CDH13: variants seen among roughly 807,000 people sequenced by gnomAD.
CDH13 encodes the protein cadherin-13.
Under a neutral mutation model 63.8 loss-of-function variants are expected in CDH13, and 24 were observed. The ratio of observed to expected loss-of-function variants is 0.38; its 90% confidence interval spans 0.27 to 0.53. The LOEUF (loss-of-function observed/expected upper bound fraction) is 0.53. CDH13 is among the 20% of genes least tolerant of loss of function. The pLI is 0.85. For missense variants in CDH13, 1,049 were observed against 903.1 expected, an observed-to-expected ratio of 1.16 and a Z score of -2.07; for synonymous variants, 503 against 355.3, an observed-to-expected ratio of 1.42 and a Z score of -4.67.
intron 1 of CDH13, among the ~76,000 whole-genome samples, chr16:82,686,669 C>T (rs146238390): frequency 2.0e-5 from 3 of 152,184 alleles, no homozygotes; most frequent in Admixed American, 1.3e-4. Flanking sequence ...CCGGAGATAA[C>T]GTGCATGAAA....
chr16:83,572,694 G>T (rs1904754389), intron 7 of CDH13, among the ~76,000 whole-genome samples: 1 of 152,152 alleles, frequency 6.6e-6, no homozygotes, highest in Admixed American at 6.5e-5. Flanking sequence ...AAAAGCTATT[G>T]AACATGTATA....
At chr16:82,676,887 T>TTTTG (rs1913981387) in intron 1 of CDH13, among the ~76,000 whole-genome samples, 1 of 150,308 alleles carries the variant, frequency 6.7e-6, no homozygotes, top group Non-Finnish European at 1.5e-5. Context: ...TTTTGTTTTG[T>TTTTG]TTTGTTTTGT....
chr16:83,524,954 A>T (rs996806844), intron 7 of CDH13, among the ~76,000 whole-genome samples: 1 of 152,230 alleles, frequency 6.6e-6, no homozygotes, highest in Non-Finnish European at 1.5e-5. Context: ...CAGTAGACCA[A>T]TGATTTTCTC....
At chr16:83,125,688 A>T (rs2035776999) in intron 4 of CDH13, among the ~76,000 whole-genome samples, 187 bp downstream of exon 4, 1 of 152,238 alleles carries the variant, frequency 6.6e-6, no homozygotes, top group Admixed American at 6.5e-5. Flanking sequence ...AAATTGGAAA[A>T]AACCAATAGC....
chr16:82,839,780 C>G (rs769011327), intron 1 of CDH13, among the ~76,000 whole-genome samples: 1 of 152,204 alleles, frequency 6.6e-6, no homozygotes, highest in South Asian at 2.1e-4. Flanking sequence ...AGAGGCTCTT[C>G]ACATTATCAT....
intron 8 of CDH13, among the ~76,000 whole-genome samples, chr16:83,658,030 CCA>C (rs1403956762): frequency 6.3e-5 from 6 of 94,854 alleles, no homozygotes; most frequent in Non-Finnish European, 1.4e-4. Context: ...CCACCAGGTC[CCA>C]TGTCCTCACC....
intron 4 of CDH13, among the ~76,000 whole-genome samples, chr16:83,143,923 G>A (rs966646524): frequency 1.3e-5 from 2 of 152,020 alleles, no homozygotes; most frequent in African/African-American, 4.8e-5. Context: ...CAGTCCTGTG[G>A]TCTAGAATCA....
In CDH13 at chr16:83,457,442, C is replaced by T. The variant is rs117970091; in HGVS notation, c.782-29035C>T. ...ATCACTCATTACATAGCCCCAGACA[C>T]GTCACTTACCTCCCTTACCCCCTCT... is the stretch of plus-strand genomic sequence containing the variant. On this transcript the variant is annotated intron_variant, in intron 6 of 13. Transcript: ENST00000567109. Among the ~76,000 whole-genome samples the T allele has an allele frequency of 2.8e-3, 421 of 152,260 alleles. 3 individuals carry two copies. The highest frequency in any genetic ancestry group is 0.01 in the South Asian group (49 of 4,830).
chr16:82,630,751 A>G lies in CDH13; in HGVS notation c.45+3614A>G, dbSNP rs1410058518. Among the ~76,000 whole-genome samples, 5 of 152,358 alleles carry G rather than the reference A, an allele frequency of 3.3e-5. No individual in the cohort carries two copies. The South Asian group carries it at 6.2e-4, about 19-fold the overall frequency. On this transcript the variant is annotated intron_variant, in intron 1 of 13. Transcript: ENST00000567109. ...AGTTAATTTATATTTAGTGGAATGT[A>G]GGAAAAGGACAAACTATGGATTTAA...
intron 10 of CDH13, among the ~76,000 whole-genome samples, chr16:83,694,146 G>C (rs1324419981): frequency 6.6e-6 from 1 of 152,216 alleles, no homozygotes; most frequent in East Asian, 1.9e-4. Flanking sequence ...TGGAAAAAAT[G>C]AGTAGCCGCC....
chr16:82,680,675 G>T (rs571209369), intron 1 of CDH13, among the ~76,000 whole-genome samples: 66 of 152,268 alleles, frequency 4.3e-4, no homozygotes, highest in Non-Finnish European at 9.6e-4. Flanking sequence ...TAATATGAAT[G>T]ACATTTAATA....
chr16:83,252,003 C>T (rs537595611), intron 5 of CDH13, among the ~76,000 whole-genome samples: 8 of 151,520 alleles, frequency 5.3e-5, no homozygotes, highest in South Asian at 4.2e-4. Context: ...GACTGATCCC[C>T]GGGATGCATT....
At chr16:83,526,654 T>A (rs1307693887) in intron 7 of CDH13, among the ~76,000 whole-genome samples, 1 of 152,208 alleles carries the variant, frequency 6.6e-6, no homozygotes, top group Non-Finnish European at 1.5e-5. Context: ...GCCCGGGGGC[T>A]GGCGGCTCCT....
chr16:83,100,711 G>A lies in CDH13; in HGVS notation c.367-24674G>A, dbSNP rs868768984. Among the ~76,000 whole-genome samples the A allele has an allele frequency of 2.2e-4, 33 of 152,290 alleles. 1 individual carries two copies. The Middle Eastern group carries it at 0.014, about 63-fold the overall frequency. On this transcript the variant is annotated intron_variant, in intron 3 of 13. Coordinates refer to ENST00000567109, the MANE Select transcript of CDH13 (RefSeq NM_001257.5). ...CCACTGGCATAAGAATTTTGGGTTA[G>A]CTCAAGCCAGGTAGGATAGACTTGA...
intron 3 of CDH13, among the ~76,000 whole-genome samples, chr16:83,116,683 A>T (rs532865530): frequency 4.6e-5 from 7 of 152,066 alleles, no homozygotes; most frequent in African/African-American, 1.7e-4. Flanking sequence ...AGATGTTCTA[A>T]AATTATATGT....
At chr16:83,459,485 C>T (rs951194503) in intron 6 of CDH13, among the ~76,000 whole-genome samples, 1 of 152,136 alleles carries the variant, frequency 6.6e-6, no homozygotes, top group Non-Finnish European at 1.5e-5. Flanking sequence ...ATTAATTTTG[C>T]CTTTGGCTTA....
chr16:83,707,320 T>C (rs552084514), intron 10 of CDH13, among the ~76,000 whole-genome samples: 14 of 152,286 alleles, frequency 9.2e-5, no homozygotes, highest in Non-Finnish European at 1.9e-4. Flanking sequence ...ATTCCTCCAT[T>C]CTATTTTATA....
rs1005014201 is a variant in CDH13 at position 83,369,318 on chromosome 16, T to TC, written c.781+24314dup. 3.3e-5 allele frequency among the ~76,000 whole-genome samples: 5 copies of TC among 152,096 alleles called. 1 individual carries two copies. The highest frequency in any genetic ancestry group is 1.2e-4 in the African/African-American group (5 of 41,404). ...AACAAACAAGTCACCTGTTTTTTTT[T>TC]CCTGAACACACCATCTCTCATCATT... On this transcript the variant is annotated intron_variant, in intron 6 of 13. Transcript: ENST00000567109.
At chr16:82,653,455 T>G (rs900718438) in intron 1 of CDH13, among the ~76,000 whole-genome samples, 7 of 152,138 alleles carry the variant, frequency 4.6e-5, no homozygotes, top group African/African-American at 1.7e-4. Flanking sequence ...GGAATATATT[T>G]GACTTGGGCC....
Sources: allele counts gnomAD v4.1 joint callset (sites outside exome capture counted in the v4.1 genomes callset), GRCh38; gene constraint gnomAD v4.1.1; transcripts MANE v1.5; gene names NCBI Gene and HGNC (gene_info 2026-07-23, HGNC 2026-07-21).